Variants in FARP1 observed in about 807,000 individuals in gnomAD.
FARP1 encodes the protein FERM, ARHGEF and pleckstrin domain-containing protein 1.
Under a neutral mutation model 128.8 loss-of-function variants are expected in FARP1, and 52 were observed. That is an observed-to-expected ratio of 0.40 (90% CI 0.32 to 0.51). The LOEUF (loss-of-function observed/expected upper bound fraction) is 0.51, where lower values mean the gene tolerates loss of function less well. Among genes scored for constraint, FARP1 ranks in the 20% least tolerant of loss-of-function variants. FARP1 has a pLI of 0.45. For synonymous variants in FARP1, 580 were observed against 551.8 expected (o/e 1.05, Z -0.72); for missense variants, 1,333 against 1,367.9 (o/e 0.97, Z 0.40).
At chr13:98,396,458 AG>A (rs1890552648) in intron 13 of FARP1, 1 of 8,064 alleles carries the variant, frequency 1.2e-4, no homozygotes, top group Non-Finnish European at 2.3e-4. Flanking sequence ...GAACAGGAGG[AG>A]GATGAGTGAG....
intron 2 of FARP1, among the ~76,000 whole-genome samples, chr13:98,295,090 CACACACACACACACAT>C (rs773255195): frequency 2.4e-4 from 19 of 80,836 alleles, no homozygotes; most frequent in South Asian, 2.1e-3. Context: ...CACACACACA[CACACACACACACACAT>C]ATATCCCCAG....
intron 2 of FARP1, among the ~76,000 whole-genome samples, chr13:98,255,964 A>G (rs1489576567): frequency 6.6e-6 from 1 of 152,230 alleles, no homozygotes; most frequent in Admixed American, 6.5e-5. Context: ...CTGTCTGAAC[A>G]TTAGAAACAC....
chr13:98,143,047 C>T (rs1875161842), upstream of FARP1: 1 of 148,132 alleles, frequency 6.8e-6, no homozygotes, highest in Non-Finnish European at 1.5e-5. Context: ...CGCCCGCCTC[C>T]CCCCGCCGAG....
At chr13:98,288,322 G>A (rs752097908) in intron 2 of FARP1, among the ~76,000 whole-genome samples, 1 of 152,102 alleles carries the variant, frequency 6.6e-6, no homozygotes, top group Non-Finnish European at 1.5e-5. Flanking sequence ...TTCATAGCAC[G>A]TACATATGGC....
intron 2 of FARP1, among the ~76,000 whole-genome samples, chr13:98,224,548 A>AT (rs1286120588): frequency 2.0e-5 from 3 of 149,332 alleles, no homozygotes; most frequent in Non-Finnish European, 3.0e-5. Flanking sequence ...AAAAAAAAGA[A>AT]AAAAAAAAAG....
intron 2 of FARP1, among the ~76,000 whole-genome samples, chr13:98,334,581 T>G (rs1887661315): frequency 6.6e-6 from 1 of 152,212 alleles, no homozygotes; most frequent in African/African-American, 2.4e-5. Flanking sequence ...AAATAGCATC[T>G]CTAGCCCTTT....
intron 1 of FARP1, among the ~76,000 whole-genome samples, chr13:98,181,231 C>T (rs1878487456): frequency 6.6e-6 from 1 of 152,186 alleles, no homozygotes; most frequent in South Asian, 2.1e-4. Context: ...ACCAAATGAA[C>T]TTCAGTAATT....
At chr13:98,150,808 A>T (rs11069295) in intron 1 of FARP1, among the ~76,000 whole-genome samples, 23,749 of 151,914 alleles carry the variant, frequency 0.16, 2,360 homozygotes, top group Middle Eastern at 0.26. Flanking sequence ...TATAAGCAAA[A>T]AAGTGTTTAA....
chr13:98,208,209 G>GGCCA (rs1021299471), intron 1 of FARP1, among the ~76,000 whole-genome samples: 2 of 151,904 alleles, frequency 1.3e-5, no homozygotes, highest in East Asian at 1.9e-4. Context: ...AAAAAGAAGG[G>GGCCA]GCCAGCGTGG....
intron 19 of FARP1, 30 bp from the exon 20 acceptor site, chr13:98,438,774 A>C (rs1353830740): frequency 6.2e-7 from 1 of 1,605,104 alleles, no homozygotes; most frequent in Non-Finnish European, 8.5e-7. Flanking sequence ...GCACGCTCGC[A>C]GCCAGCCCTC....
chr13:98,219,892 C>A (rs1881314323), intron 2 of FARP1, among the ~76,000 whole-genome samples: 1 of 152,086 alleles, frequency 6.6e-6, no homozygotes, highest in African/African-American at 2.4e-5. Context: ...TGGTCTCAAA[C>A]TCCTGGACTG....
At chr13:98,213,773 T>C (rs1333511493) in intron 2 of FARP1, among the ~76,000 whole-genome samples, 1 of 152,122 alleles carries the variant, frequency 6.6e-6, no homozygotes, top group African/African-American at 2.4e-5. Context: ...AATTTACTGG[T>C]CATAGACAAT....
intron 2 of FARP1, chr13:98,328,505 G>A (rs921129511): frequency 7.2e-5 from 11 of 152,232 alleles, no homozygotes; most frequent in African/African-American, 1.9e-4. Context: ...GATGGCGAAA[G>A]TATTATTAAT....
At chr13:98,227,669 C>A (rs1881874127) in intron 2 of FARP1, among the ~76,000 whole-genome samples, 1 of 152,126 alleles carries the variant, frequency 6.6e-6, no homozygotes, top group African/African-American at 2.4e-5. Context: ...AATTGAACAC[C>A]CATGTTCATA....
chr13:98,391,394 T>C (rs1890298376), intron 11 of FARP1, among the ~76,000 whole-genome samples: 1 of 152,066 alleles, frequency 6.6e-6, no homozygotes, highest in Non-Finnish European at 1.5e-5. Context: ...TCCTCCCACC[T>C]CAGCCTCCTG....
intron 2 of FARP1, among the ~76,000 whole-genome samples, chr13:98,224,645 A>G (rs1342507795): frequency 6.6e-6 from 1 of 151,160 alleles, no homozygotes; most frequent in Admixed American, 6.6e-5. Context: ...TTGACTACCC[A>G]TCCCTTGCCA....
rs1345492208 is a variant in FARP1 at position 98,143,136 on chromosome 13, G to A, written c.-380G>A. ...GCCTCAGAGGCGGCGGGTCCGGCGC[G>A]GGCGCAGCGGTGCGGGCGCTCGGCT... On this transcript the variant is annotated 5_prime_UTR_variant, in exon 1 of 27. Coordinates refer to ENST00000319562, the MANE Select transcript of FARP1 (RefSeq NM_005766.4). The A allele has an allele frequency of 6.8e-6, 1 of 147,854 alleles. No homozygotes were observed. The highest frequency in any genetic ancestry group is 6.7e-5 in the Admixed American group (1 of 14,894). The allele number at this position is 147,854 out of a possible 1,614,324, so 9.2% of individuals were successfully genotyped here. A position where few individuals can be genotyped will look rare whatever the true frequency, so the allele number is the denominator to read the frequency against.
At chr13:98,221,116 A>C (rs1383605372) in intron 2 of FARP1, among the ~76,000 whole-genome samples, 1 of 152,172 alleles carries the variant, frequency 6.6e-6, no homozygotes, top group South Asian at 2.1e-4. Flanking sequence ...TCATCTCTAC[A>C]CATGGAGAAT....
At chr13:98,210,118 G>C (rs1880587721) in intron 1 of FARP1, among the ~76,000 whole-genome samples, 1 of 152,052 alleles carries the variant, frequency 6.6e-6, no homozygotes, top group South Asian at 2.1e-4. Flanking sequence ...TTGGTGGGGT[G>C]GGTGGCTGGA....
Sources: allele counts gnomAD v4.1 joint callset (sites outside exome capture counted in the v4.1 genomes callset), GRCh38; gene constraint gnomAD v4.1.1; transcripts MANE v1.5; gene names NCBI Gene and HGNC (gene_info 2026-07-23, HGNC 2026-07-21).